Variants in GPHN observed in about 807,000 individuals in gnomAD.
The protein encoded by GPHN is gephyrin.
GPHN carries 17 observed loss-of-function variants against 95.5 expected under a neutral mutation model. The ratio of observed to expected loss-of-function variants is 0.18; its 90% CI spans 0.12 to 0.27. The LOEUF (loss-of-function observed/expected upper bound fraction) is 0.27, where lower values mean the gene tolerates loss of function less well. Ranked by LOEUF, GPHN falls within the 10% of genes least tolerant of loss-of-function variation. GPHN has a pLI of 1.00. For missense variants in GPHN, 660 were observed against 978.1 expected, an observed-to-expected ratio of 0.67 and a Z score of 4.34; for synonymous variants, 320 against 322.5, an observed-to-expected ratio of 0.99 and a Z score of 0.08.
At chr14:67,279,970 A>T in the GPHN span, 1 of 156,762 alleles carries the variant, frequency 6.4e-6, no homozygotes. Flanking sequence ...TTGTCAATAA[A>T]AAGAACTGGT....
the GPHN span, among the ~76,000 whole-genome samples, chr14:67,706,489 G>T: frequency 6.6e-6 from 1 of 152,194 alleles, no homozygotes; most frequent in Non-Finnish European, 1.5e-5. Flanking sequence ...TCAACATATG[G>T]AAAATGAACA....
chr14:67,233,928 G>C, the GPHN span, among the ~76,000 whole-genome samples: 1 of 152,210 alleles, frequency 6.6e-6, no homozygotes. Context: ...CAGAAGTTCA[G>C]ACTAAAGATA....
intron 1 of GPHN, among the ~76,000 whole-genome samples, chr14:66,559,685 A>G (rs1003078152): frequency 1.3e-5 from 2 of 151,658 alleles, no homozygotes; most frequent in Admixed American, 1.3e-4. Flanking sequence ...CCCATTTTGT[A>G]GGTTGCCTGT....
chr14:67,707,985 G>C, the GPHN span, among the ~76,000 whole-genome samples: 1 of 152,174 alleles, frequency 6.6e-6, no homozygotes, highest in Non-Finnish European at 1.5e-5. Context: ...TCAAAGTCTT[G>C]ATAAAATAAC....
intron 1 of GPHN, among the ~76,000 whole-genome samples, chr14:66,588,640 A>G (rs1566654657): frequency 1.3e-5 from 2 of 152,118 alleles, no homozygotes; most frequent in Admixed American, 1.3e-4. Flanking sequence ...GATATCAGAG[A>G]TTGAAGATCA....
chr14:67,089,448 C>T (rs867419314), intron 12 of GPHN, among the ~76,000 whole-genome samples: 1 of 152,084 alleles, frequency 6.6e-6, no homozygotes, highest in African/African-American at 2.4e-5. Flanking sequence ...AATGTGGTAT[C>T]TGTCACATCA....
At chr14:67,067,446 A>T (rs2076107248) in intron 11 of GPHN, among the ~76,000 whole-genome samples, 5 of 152,128 alleles carry the variant, frequency 3.3e-5, no homozygotes. Flanking sequence ...CCATTCTCAG[A>T]GCTCAAACGA....
the GPHN span, among the ~76,000 whole-genome samples, chr14:67,243,477 C>T: frequency 1.4e-5 from 2 of 147,698 alleles, no homozygotes; most frequent in Non-Finnish European, 3.0e-5. Flanking sequence ...CGTGAGCCAC[C>T]GCCAGAATAT....
the GPHN span, chr14:67,383,256 A>G: frequency 6.4e-7 from 1 of 1,565,920 alleles, no homozygotes; most frequent in Non-Finnish European, 8.7e-7. Flanking sequence ...AATAGTATTG[A>G]AATTAAATTT....
At chr14:67,200,414 T>G in the GPHN span, 1 of 556,248 alleles carries the variant, frequency 1.8e-6, no homozygotes. Context: ...TCCTTGGGGC[T>G]AAGGCACTAA....
intron 5 of GPHN, among the ~76,000 whole-genome samples, chr14:66,896,147 A>G (rs1324362817): frequency 6.6e-6 from 1 of 152,188 alleles, no homozygotes; most frequent in East Asian, 1.9e-4. Flanking sequence ...AAAGTCCTCA[A>G]CACTTTATAC....
At chr14:67,522,828 T>C in the GPHN span, among the ~76,000 whole-genome samples, 1 of 152,196 alleles carries the variant, frequency 6.6e-6, no homozygotes, top group East Asian at 1.9e-4. Context: ...CTATTCTTTT[T>C]ACCCTCCTTG....
At chr14:67,379,717 G>T in the GPHN span, among the ~76,000 whole-genome samples, 11 of 132,876 alleles carry the variant, frequency 8.3e-5, no homozygotes, top group South Asian at 2.7e-4. Flanking sequence ...TGCAGTGGCG[G>T]GATCTCGGCT....
the GPHN span, among the ~76,000 whole-genome samples, chr14:67,355,199 C>T: frequency 8.6e-3 from 1,307 of 152,108 alleles, 22 homozygotes; most frequent in African/African-American, 0.031. Context: ...AAGATCCTAA[C>T]AGCAATCATT....
chr14:67,203,043 C>T, the GPHN span: 1 of 1,570,640 alleles, frequency 6.4e-7, no homozygotes, highest in Non-Finnish European at 8.6e-7. Flanking sequence ...GCAAGGTTGT[C>T]AAAGCCACAC....
the GPHN span, among the ~76,000 whole-genome samples, chr14:67,652,939 G>A: frequency 3.5e-4 from 53 of 152,162 alleles, no homozygotes; most frequent in African/African-American, 1.3e-3. Flanking sequence ...TACAGTGCCC[G>A]CCACTACGCC....
chr14:67,512,357 T>C, the GPHN span, among the ~76,000 whole-genome samples: 2 of 152,248 alleles, frequency 1.3e-5, no homozygotes, highest in African/African-American at 4.8e-5. Flanking sequence ...CAATAGAGGC[T>C]GAAATTCCTC....
At chr14:66,622,506 T>G (rs1041641209) in intron 1 of GPHN, among the ~76,000 whole-genome samples, 32 of 152,204 alleles carry the variant, frequency 2.1e-4, no homozygotes, top group African/African-American at 7.5e-4. Flanking sequence ...AAAATGGGAT[T>G]TTCTTTTCTT....
At chr14:67,200,016 A>G in the GPHN span, 6 of 961,346 alleles carry the variant, frequency 6.2e-6, no homozygotes, top group Non-Finnish European at 7.7e-6. Context: ...CTCATGGTTT[A>G]GGACATCCCC....
Sources: gnomAD v4.1 joint callset for allele counts (sites outside exome capture counted in the v4.1 genomes callset) on GRCh38, gnomAD v4.1.1 for gene constraint, MANE v1.5 for transcripts, NCBI Gene and HGNC (gene_info 2026-07-23, HGNC 2026-07-21) for gene names.